The following ZFHX2 variants were observed in gnomAD, a reference collection of about 807,000 sequenced individuals.
ZFHX2 encodes the protein zinc finger homeobox protein 2.
Under a neutral mutation model 164.8 loss-of-function variants are expected in ZFHX2, and 75 were observed. That is an observed-to-expected ratio of 0.46 (90% CI 0.38 to 0.55). The LOEUF is 0.55. Ranked by LOEUF, ZFHX2 falls within the 20% of genes least tolerant of loss-of-function variation. The probability of loss-of-function intolerance (pLI) is 0.00; values close to 1 mark genes in which losing one functional copy is unlikely to be tolerated. For synonymous variants in ZFHX2, 1,217 were observed against 1,351.4 expected, an observed-to-expected ratio of 0.90 and a Z score of 2.18; for missense variants, 2,933 against 3,308.0, an observed-to-expected ratio of 0.89 and a Z score of 2.78.
chr14:23,523,667 A>G lies in ZFHX2; in HGVS notation c.6275T>C (p.Met2092Thr), dbSNP rs1183326175. ...CTCTCCCAGCACCTCACACTCCTGCATGGTGGGGGTGCGGTAAGCTTCATA... is the reference window on the plus strand; with the variant it reads ...CTCTCCCAGCACCTCACACTCCTGCGTGGTGGGGGTGCGGTAAGCTTCATA... ...ACYEAYRTPTMQECEVLGEEI... is the reference protein window; with the variant it reads ...ACYEAYRTPTTQECEVLGEEI... The change falls in exon 9 of 10, where the codon ATG becomes ACG. Residue 2092 changes from methionine (M) to threonine (T), a missense_variant. Physicochemically the swap from Met to Thr is moderately conservative, Grantham distance 81 (BLOSUM62 -1). Coordinates refer to ENST00000419474, the MANE Select transcript of ZFHX2 (RefSeq NM_033400.3). The surrounding 1 kb of genome is among the most constrained non-coding windows in gnomAD (Gnocchi z 4.1). 3 of 1,542,360 alleles carry G rather than the reference A, an allele frequency of 1.9e-6. No individual in the cohort carries two copies. Among genetic ancestry groups the G allele is most frequent in the South Asian group, 1.2e-5 (1 of 84,586 alleles).
Position 23,522,530 on chromosome 14 carries a change from A to G in ZFHX2, c.7151T>C (p.Met2384Thr). Reference sequence around the variant, plus strand: ...GAGGGTCTGAGGTATCATGGGGTTCATGGGAAATAGCCCCTTCTTCATGCC... The same window carrying G: ...GAGGGTCTGAGGTATCATGGGGTTCGTGGGAAATAGCCCCTTCTTCATGCC... The part of the protein sequence containing the change: ...LYGMKKGLFP[M>T]NPMIPQTLIG... Residue 2384 changes from methionine (M) to threonine (T), a missense_variant, in exon 10 of 10, where the codon ATG becomes ACG. Coordinates refer to ENST00000419474, the MANE Select transcript of ZFHX2 (RefSeq NM_033400.3). 3.9e-6 allele frequency: 6 copies of G among 1,528,172 alleles called. No homozygotes were observed. Among genetic ancestry groups the G allele is most frequent in the Non-Finnish European group, 5.3e-6 (6 of 1,141,620 alleles). 94.7% of individuals were successfully genotyped at this position (1,528,172 alleles called of 1,614,324 possible).
intron 5 of ZFHX2, 42 bp from the exon 6 acceptor site, chr14:23,529,810 C>G: frequency 6.6e-7 from 1 of 1,524,502 alleles, no homozygotes; most frequent in African/African-American, 1.4e-5. Context: ...CCTGACAGCC[C>G]TCAAGATGAT....
Position 23,522,325 on chromosome 14 carries a change from C to T in ZFHX2, c.7356G>A (p.Leu2452=), listed in dbSNP as rs1418845564. 1.3e-6 allele frequency: 2 copies of T among 1,529,654 alleles called. No individual in the cohort carries two copies. Among genetic ancestry groups the T allele is most frequent in the East Asian group, 4.9e-5 (2 of 40,842 alleles). 94.8% of individuals were successfully genotyped at this position (1,529,654 alleles called of 1,614,324 possible). A position where few individuals can be genotyped will look rare whatever the true frequency, so the allele number is the denominator to read the frequency against. The change falls in exon 10 of 10, where the codon CTG becomes CTA. Residue 2452 remains leucine (L), a synonymous_variant. Coordinates refer to ENST00000419474, the MANE Select transcript of ZFHX2 (RefSeq NM_033400.3). ...ISTVDVTHRY[L]CRQCKMAFDG... is the part of the protein sequence containing the mutation. The stretch of plus-strand genomic sequence containing the variant: ...CAAATGCCATCTTGCACTGGCGGCA[C>T]AGGTAGCGATGGGTTACATCCACGG...
Position 23,523,648 on chromosome 14 carries a change from C to A in ZFHX2, c.6294G>T (p.Leu2098=). ...TCTTGGGCAGCCCAATCTCCTCTCCCAGCACCTCACACTCCTGCATGGTGG... is the reference window on the plus strand; with the variant it reads ...TCTTGGGCAGCCCAATCTCCTCTCCAAGCACCTCACACTCCTGCATGGTGG... The part of the protein sequence containing the change: ...RTPTMQECEV[L]GEEIGLPKRV... The change falls in exon 9 of 10, where the codon CTG becomes CTT. Residue 2098 remains leucine, a synonymous_variant. Transcript: ENST00000419474. The surrounding 1 kb of genome is among the most constrained non-coding windows in gnomAD (Gnocchi z 4.1). 6.5e-7 allele frequency: 1 copy of A among 1,549,866 alleles called. No individual in the cohort carries two copies. Among genetic ancestry groups the A allele is most frequent in the Non-Finnish European group, 8.7e-7 (1 of 1,153,668 alleles).
At chr14:23,549,274 C>A (rs938475442) in intron 1 of ZFHX2, among the ~76,000 whole-genome samples, 2 of 152,154 alleles carry the variant, frequency 1.3e-5, no homozygotes, top group African/African-American at 4.8e-5. Flanking sequence ...ACATCCCTCA[C>A]GTCATACATT....
upstream of ZFHX2, among the ~76,000 whole-genome samples, chr14:23,553,970 G>A (rs533987287): frequency 9.6e-4 from 144 of 150,582 alleles, no homozygotes; most frequent in African/African-American, 3.3e-3. Flanking sequence ...AGGCTGAGGC[G>A]GGAGAATCAT....
At chr14:23,529,112 T>C (rs1879180983) in intron 6 of ZFHX2, among the ~76,000 whole-genome samples, 1 of 152,212 alleles carries the variant, frequency 6.6e-6, no homozygotes, top group Non-Finnish European at 1.5e-5. Flanking sequence ...TTTGGAGAGC[T>C]GTGAGGCACA....
Position 23,521,990 on chromosome 14 carries a change from G to T in ZFHX2, c.7691C>A (p.Thr2564Lys), listed in dbSNP as rs774695411. 1 of 1,536,286 alleles carries T rather than the reference G, an allele frequency of 6.5e-7. No individual in the cohort carries two copies. The highest frequency in any genetic ancestry group is 8.7e-7 in the Non-Finnish European group (1 of 1,146,918). Residue 2564 changes from threonine (T) to lysine (K), a missense_variant, in exon 10 of 10, where the codon ACG (threonine) becomes AAG (lysine). Coordinates refer to ENST00000419474, the MANE Select transcript of ZFHX2 (RefSeq NM_033400.3). ...LPHTDSNPKT[T>K]TTSTLLAL Reference sequence around the variant, plus strand: ...TAAAGCTAGAAGTGTAGAGGTAGTCGTAGTTTTTGGGTTGGAGTCCGTGTG... The same window carrying T: ...TAAAGCTAGAAGTGTAGAGGTAGTCTTAGTTTTTGGGTTGGAGTCCGTGTG...
chr14:23,524,867 C>G lies in ZFHX2; in HGVS notation c.5075G>C (p.Cys1692Ser). Residue 1692 changes from cysteine to serine, a missense_variant, in exon 9 of 10, where the codon TGC (cysteine) becomes TCC (serine). Physicochemically the swap from Cys to Ser is moderately radical, Grantham distance 112. Transcript: ENST00000419474. The surrounding 1 kb of genome is among the most constrained non-coding windows in gnomAD (Gnocchi z 5.6). Reference protein sequence around the residue: ...VFELVRHLKKCYDDQTLEEEE... With the variant: ...VFELVRHLKKSYDDQTLEEEE... The stretch of plus-strand genomic sequence containing the variant: ...CTCTTCAAGGGTCTGGTCATCATAG[C>G]ACTTCTTGAGGTGGCGCACCAACTC... 1 of 1,536,634 alleles carries G rather than the reference C, an allele frequency of 6.5e-7. No homozygotes were observed. Among genetic ancestry groups the G allele is most frequent in the Non-Finnish European group, 8.7e-7 (1 of 1,147,006 alleles).
At position 23,522,737 on chromosome 14, in the gene ZFHX2, G is replaced by A; in HGVS notation, c.6944C>T (p.Pro2315Leu). 6.5e-7 allele frequency: 1 copy of A among 1,536,546 alleles called. No individual in the cohort carries two copies. The highest frequency in any genetic ancestry group is 8.7e-7 in the Non-Finnish European group (1 of 1,146,962). ...GGAGGAGCTGGTGGGGCCTGCAACT[G>A]GCTTTCGCTCACTGGAGACCTTGTC... ...LGDKVSSERK[P>L]VAGPTSSSND... The change falls in exon 10 of 10, where the codon CCA becomes CTA. Residue 2315 changes from proline to leucine, a missense_variant. Physicochemically the swap from Pro to Leu is moderately conservative, Grantham distance 98. Transcript: ENST00000419474.
chr14:23,521,671 T>C lies in ZFHX2; in HGVS notation c.*291A>G. On this transcript the variant is annotated 3_prime_UTR_variant, in exon 10 of 10. Coordinates refer to ENST00000419474, the MANE Select transcript of ZFHX2 (RefSeq NM_033400.3). ...TTTGTGTGTGGTAGGCAGACATGTA[T>C]GAATAATCAGGGTGCCAAGATGGGT... 2.5e-6 allele frequency: 1 copy of C among 402,490 alleles called. No individual in the cohort carries two copies. The allele number at this position is 402,490 out of a possible 1,614,324, so 24.9% of individuals were successfully genotyped here.
chr14:23,546,375 G>A lies in ZFHX2; in HGVS notation c.-50+4968C>T, dbSNP rs77374154. 6.6e-6 allele frequency among the ~76,000 whole-genome samples: 1 copy of A among 152,214 alleles called. No individual in the cohort carries two copies. Among genetic ancestry groups the A allele is most frequent in the Non-Finnish European group, 1.5e-5 (1 of 68,046 alleles). On this transcript the variant is annotated intron_variant, in intron 1 of 9. Transcript: ENST00000419474. The surrounding 1 kb of genome is among the most constrained non-coding windows in gnomAD (Gnocchi z 4.7). The stretch of plus-strand genomic sequence containing the variant: ...GGTAAAAAATGCTGAGGGGTGCTGA[G>A]CATCTCAGTAGAAATTAGAAAAATA...
chr14:23,555,293 C>T (rs562386985), upstream of ZFHX2, among the ~76,000 whole-genome samples: 3 of 152,252 alleles, frequency 2.0e-5, no homozygotes, highest in East Asian at 3.9e-4. Flanking sequence ...GCAACCGCAC[C>T]GGCCTTTCTG....
chr14:23,525,443 T>A lies in ZFHX2; in HGVS notation c.4499A>T (p.Glu1500Val). The part of the protein sequence containing the change: ...SNMLILKTHE[E>V]HVHRRFLPFE... ...GGGCAGAAAGCGGCGGTGGACATGT[T>A]CCTCGTGTGTCTTGAGGATAAGCAT... Residue 1500 changes from glutamate to valine, a missense_variant, in exon 9 of 10, where the codon GAA becomes GTA. Physicochemically the swap from Glu to Val is moderately radical, Grantham distance 121. Coordinates refer to ENST00000419474, the MANE Select transcript of ZFHX2 (RefSeq NM_033400.3). This position sits in a 1 kb window ranked among gnomAD's most constrained non-coding sequence, Gnocchi z 5.9. 1 of 1,536,096 alleles carries A rather than the reference T, an allele frequency of 6.5e-7. No individual in the cohort carries two copies.
In ZFHX2 at chr14:23,525,533, G is replaced by C; in HGVS notation, c.4409C>G (p.Pro1470Arg). ...GTCCCCACCCCCGAGGGCCTCAGGTGGGGGTGGGGTAGGGGGAGGGGGCAC... is the reference window on the plus strand; with the variant it reads ...GTCCCCACCCCCGAGGGCCTCAGGTCGGGGTGGGGTAGGGGGAGGGGGCAC... ...QAVPPPPTPP[P>R]PEALGGGDKL... The change falls in exon 9 of 10, where the codon CCA becomes CGA. Residue 1470 changes from proline to arginine, a missense_variant. Pro to Arg is a moderately radical substitution (Grantham distance 103). Transcript: ENST00000419474. The surrounding 1 kb of genome is among the most constrained non-coding windows in gnomAD (Gnocchi z 5.9). 22 of 1,535,656 alleles carry C rather than the reference G, an allele frequency of 1.4e-5. No individual in the cohort carries two copies. Among genetic ancestry groups the C allele is most frequent in the Non-Finnish European group, 1.9e-5 (22 of 1,146,898 alleles).
intron 1 of ZFHX2, chr14:23,544,085 C>A (rs1390918444): frequency 6.6e-6 from 1 of 151,898 alleles, no homozygotes; most frequent in Non-Finnish European, 1.5e-5. Flanking sequence ...AACCCTGTCT[C>A]TACTAAAAAT....
intron 3 of ZFHX2, chr14:23,531,943 T>A (rs1045103010): frequency 1.5e-5 from 7 of 454,098 alleles, no homozygotes; most frequent in South Asian, 1.1e-4. Flanking sequence ...ACCTGGCTAA[T>A]TTTTGTATTT....
chr14:23,532,517 G>A, intron 3 of ZFHX2, 50 bp downstream of exon 3: 12 of 1,421,274 alleles, frequency 8.4e-6, no homozygotes, highest in Non-Finnish European at 1.0e-5. Flanking sequence ...TCCTCCCTCT[G>A]TCCCCATTCC....
chr14:23,524,085 C>T lies in ZFHX2; in HGVS notation c.5857G>A (p.Gly1953Ser). 1 of 1,527,952 alleles carries T rather than the reference C, an allele frequency of 6.5e-7. No individual in the cohort carries two copies. Among genetic ancestry groups the T allele is most frequent in the Non-Finnish European group, 8.8e-7 (1 of 1,142,376 alleles). The allele number at this position is 1,527,952 out of a possible 1,614,324, so 94.6% of individuals were successfully genotyped here. A position where few individuals can be genotyped will look rare whatever the true frequency, so the allele number is the denominator to read the frequency against. ...FNLLLGKVDD[G>S]TGREAPKREA... ...CTCTTTGGGGCTTCCCTCCCAGTGC[C>T]ATCATCTACCTTGCCTAATAAGAGG... is the stretch of plus-strand genomic sequence containing the variant. The change falls in exon 9 of 10, where the codon GGC (glycine) becomes AGC (serine). Residue 1953 changes from glycine (G) to serine (S), a missense_variant. By Grantham distance (56) the Gly-to-Ser change is moderately conservative. Coordinates refer to ENST00000419474, the MANE Select transcript of ZFHX2 (RefSeq NM_033400.3). This position sits in a 1 kb window ranked among gnomAD's most constrained non-coding sequence, Gnocchi z 5.6.
Sources: allele counts gnomAD v4.1 joint callset (sites outside exome capture counted in the v4.1 genomes callset), GRCh38; gene constraint gnomAD v4.1.1; non-coding constraint Gnocchi (gnomAD v3.1); transcripts MANE v1.5; gene names NCBI Gene and HGNC (gene_info 2026-07-23, HGNC 2026-07-21).